CCT2: variants seen among roughly 807,000 people sequenced by gnomAD.
CCT2 encodes T-complex protein 1 subunit beta.
A neutral mutation model predicts 61.8 loss-of-function variants in CCT2; 18 were observed. The ratio of observed to expected loss-of-function variants is 0.29; its 90% confidence interval spans 0.20 to 0.43. The LOEUF (loss-of-function observed/expected upper bound fraction) is 0.43. Among genes scored for constraint, CCT2 ranks in the 20% least tolerant of loss-of-function variants. CCT2 has a pLI of 1.00. For synonymous variants in CCT2, 248 were observed against 215.9 expected (o/e 1.15, Z -1.30); for missense variants, 556 against 656.9 (o/e 0.85, Z 1.68).
intron 15 of CCT2, among the ~76,000 whole-genome samples, chr12:69,600,870 A>G (rs973939161): frequency 3.3e-5 from 5 of 152,190 alleles, no homozygotes; most frequent in Non-Finnish European, 7.3e-5. Context: ...AGATTGTTCT[A>G]TGCCCCCTTA....
chr12:69,590,926 CCAGGCTG>C (rs149558683), intron 7 of CCT2, among the ~76,000 whole-genome samples: 1,945 of 151,254 alleles, frequency 0.013, 48 homozygotes, highest in African/African-American at 0.044. Flanking sequence ...GCCATGTTGA[CCAGGCTG>C]GTCTCGAACT....
Position 69,593,007 on chromosome 12 carries a change from C to T in CCT2, c.782C>T (p.Thr261Ile), listed in dbSNP as rs934267533. 3 of 1,613,278 alleles carry T rather than the reference C, an allele frequency of 1.9e-6. No individual in the cohort carries two copies. Among genetic ancestry groups the T allele is most frequent in the Non-Finnish European group, 2.5e-6 (3 of 1,179,414 alleles). ...GGTTCCCGGGTAAGAGTTGACTCTA[C>T]AGCAAAGGTTGCAGAAATAGAACAT... is the stretch of plus-strand genomic sequence containing the variant. ...IFGSRVRVDSTAKVAEIEHAE... is the reference protein window; with the variant it reads ...IFGSRVRVDSIAKVAEIEHAE... The change falls in exon 9 of 16, where the codon ACA (threonine) becomes ATA (isoleucine). Residue 261 changes from threonine (T) to isoleucine (I), a missense_variant. By Grantham distance (89) the Thr-to-Ile change is moderately conservative. Around this residue, in one of 3 missense-constraint regions of CCT2, gnomAD observed 308 missense variants for 350.6 expected, o/e 0.88. Transcript: ENST00000299300.
intron 2 of CCT2, 125 bp from the exon 3 acceptor site, chr12:69,586,628 A>G (rs1274643675): frequency 4.1e-6 from 3 of 728,764 alleles, no homozygotes; most frequent in South Asian, 1.8e-5. Flanking sequence ...AGATCGCGCC[A>G]TTGCACTCCA....
Position 69,594,050 on chromosome 12 carries a change from A to G in CCT2, c.982+437A>G, listed in dbSNP as rs867689551. 2.4e-4 allele frequency among the ~76,000 whole-genome samples: 36 copies of G among 152,132 alleles called. 1 individual carries two copies. In the Middle Eastern group the frequency reaches 0.02, roughly 86 times the overall value. ...ACTTGGGGGGAGGCTGAGGGAAGAG[A>G]ATCGCTTGAGCCTGGGAGGCAGAGG... On this transcript the variant is annotated intron_variant, in intron 10 of 15. Coordinates refer to ENST00000299300, the MANE Select transcript of CCT2 (RefSeq NM_006431.3).
intron 9 of CCT2, 46 bp from the exon 10 acceptor site, chr12:69,593,459 TTTATC>T: frequency 8.2e-7 from 1 of 1,215,686 alleles, no homozygotes; most frequent in South Asian, 1.3e-5. Flanking sequence ...TCTAATGTAG[TTTATC>T]TTGTAACAGT....
intron 15 of CCT2, among the ~76,000 whole-genome samples, chr12:69,601,057 C>G (rs1025079893): frequency 6.6e-6 from 1 of 152,138 alleles, no homozygotes; most frequent in African/African-American, 2.4e-5. Context: ...GCAGTCCCAT[C>G]CTATATAACC....
At chr12:69,595,795 G>GT (rs1555197691) in intron 10 of CCT2, among the ~76,000 whole-genome samples, 1 of 101,860 alleles carries the variant, frequency 9.8e-6, no homozygotes, top group Admixed American at 9.9e-5. Flanking sequence ...CCAGAAGAAT[G>GT]TTTATTAAGT....
intron 9 of CCT2, 33 bp from the exon 10 acceptor site, chr12:69,593,477 T>G: frequency 1.5e-6 from 2 of 1,357,528 alleles, no homozygotes; most frequent in South Asian, 2.4e-5. Context: ...GTAACAGTTG[T>G]GAGCATAATG....
chr12:69,593,224 A>G (rs535389481), intron 9 of CCT2, 121 bp downstream of exon 9: 10 of 893,420 alleles, frequency 1.1e-5, no homozygotes, highest in South Asian at 3.6e-5. Flanking sequence ...CACTTAAATT[A>G]TGGATTTTTG....
At position 69,598,338 on chromosome 12, in the gene CCT2, C is replaced by A; in HGVS notation, c.1352C>A (p.Ala451Asp). The part of the protein sequence containing the change: ...KALRMLPTII[A>D]DNAGYDSADL... ...TTTTCATAGTTGCCAACCATCATAG[C>A]TGACAATGCAGGCTATGACAGTGCA... is the stretch of plus-strand genomic sequence containing the variant. Residue 451 changes from alanine to aspartate, a missense_variant, in exon 14 of 16, where the codon GCT becomes GAT. Physicochemically the swap from Ala to Asp is moderately radical, Grantham distance 126. This residue lies in a region of CCT2 where 225 missense variants were observed against 249.8 expected (regional missense o/e 0.90). Transcript: ENST00000299300. The A allele has an allele frequency of 6.3e-7, 1 of 1,589,412 alleles. No homozygotes were observed. Among genetic ancestry groups the A allele is most frequent in the Non-Finnish European group, 8.5e-7 (1 of 1,169,656 alleles).
At chr12:69,586,709 G>T in intron 2 of CCT2, 44 bp from the exon 3 acceptor site, 1 of 1,299,340 alleles carries the variant, frequency 7.7e-7, no homozygotes, top group Non-Finnish European at 1.1e-6. Flanking sequence ...TGTACTTGAA[G>T]ACTGTAAAGT....
chr12:69,589,355 A>G (rs1242451065), intron 6 of CCT2, 130 bp from the exon 7 acceptor site: 7 of 646,490 alleles, frequency 1.1e-5, no homozygotes, highest in South Asian at 1.0e-4. Flanking sequence ...ATTACTGCTG[A>G]GGTTTAATTC....
In CCT2 at chr12:69,593,552, T is replaced by C. The variant is rs758474417; in HGVS notation, c.921T>C (p.Ala307=). ...YNYPEQLFGA[A]GVMAIEHADF... is the part of the protein sequence containing the mutation. ...ATCCTGAACAGCTCTTTGGTGCTGC[T>C]GGTGTCATGGCTATTGAGCATGCAG... Residue 307 remains alanine, a synonymous_variant, in exon 10 of 16, where the codon GCT becomes GCC. Transcript: ENST00000299300. 1 of 1,613,596 alleles carries C rather than the reference T, an allele frequency of 6.2e-7. No homozygotes were observed. Among genetic ancestry groups the C allele is most frequent in the South Asian group, 1.1e-5 (1 of 91,046 alleles).
intron 3 of CCT2, 131 bp from the exon 4 acceptor site, chr12:69,587,374 T>G (rs1308788612): frequency 3.4e-6 from 2 of 580,638 alleles, no homozygotes; most frequent in Admixed American, 3.3e-5. Context: ...TTGAAAACAT[T>G]TGATGAATGG....
At chr12:69,587,474 TCTTAA>T in intron 3 of CCT2, 26 bp from the exon 4 acceptor site, 1 of 1,255,718 alleles carries the variant, frequency 8.0e-7, no homozygotes, top group Non-Finnish European at 1.2e-6. Flanking sequence ...TGTGCTTATG[TCTTAA>T]CTTGAACCAA....
In CCT2 at chr12:69,586,376, T is replaced by C. The variant is rs1344787184; in HGVS notation, c.78+32T>C. ...CTTGTTCTAAGCATTGTTTTAAAGA[T>C]AAAACTGGAGGCCAGGCGCGGTGGC... On this transcript the variant is annotated intron_variant, in intron 2 of 15. Transcript: ENST00000299300. 7 of 1,525,888 alleles carry C rather than the reference T, an allele frequency of 4.6e-6. No individual in the cohort carries two copies. In the South Asian group the frequency reaches 7.8e-5, roughly 17 times the overall value. 94.5% of individuals were successfully genotyped at this position (1,525,888 alleles called of 1,614,324 possible).
At position 69,589,742 on chromosome 12, in the gene CCT2, C is replaced by T. The variant is rs111646527; in HGVS notation, c.649+55C>T. On this transcript the variant is annotated intron_variant, in intron 7 of 15. Transcript: ENST00000299300. ...TTGATTAGATGCTGAGGGCTGAATACTGAGTGAATTCTGTTTTGAGACCAG... is the reference window on the plus strand; with the variant it reads ...TTGATTAGATGCTGAGGGCTGAATATTGAGTGAATTCTGTTTTGAGACCAG... The T allele has an allele frequency of 2.7e-5, 37 of 1,372,110 alleles. 1 individual carries two copies. The African/African-American group carries it at 3.6e-4, about 13-fold the overall frequency. The allele number at this position is 1,372,110 out of a possible 1,614,324, so 85.0% of individuals were successfully genotyped here.
chr12:69,589,382 A>G, intron 6 of CCT2, 103 bp from the exon 7 acceptor site: 2 of 741,926 alleles, frequency 2.7e-6, no homozygotes, highest in Admixed American at 4.7e-5. Flanking sequence ...TATAGCTTAC[A>G]GACTTGATCA....
intron 6 of CCT2, among the ~76,000 whole-genome samples, chr12:69,588,999 G>T (rs1391339630): frequency 6.6e-6 from 1 of 152,228 alleles, no homozygotes; most frequent in East Asian, 1.9e-4. Flanking sequence ...CACGACTTCG[G>T]CTGACTGCAA....
Sources: gnomAD v4.1 joint callset for allele counts (sites outside exome capture counted in the v4.1 genomes callset) on GRCh38, gnomAD v4.1.1 for gene constraint, gnomAD v4.1.1 regional missense constraint, MANE v1.5 for transcripts, NCBI Gene and HGNC (gene_info 2026-07-23, HGNC 2026-07-21) for gene names.